PDE4D: variants seen among roughly 807,000 people sequenced by gnomAD.
PDE4D encodes phosphodiesterase 4D, also known as 3',5'-cyclic-AMP phosphodiesterase 4D.
Under a neutral mutation model 87.4 loss-of-function variants are expected in PDE4D, and 24 were observed. The observed-to-expected ratio is 0.27, with a 90% CI of 0.20 to 0.39. The LOEUF (loss-of-function observed/expected upper bound fraction) is 0.39. Among genes scored for constraint, PDE4D ranks in the 10% least tolerant of loss-of-function variants. The probability of loss-of-function intolerance (pLI) is 1.00; values close to 1 mark genes in which losing one functional copy is unlikely to be tolerated. For synonymous variants in PDE4D, 384 were observed against 383.2 expected (o/e 1.00, Z -0.02); for missense variants, 714 against 1,041.0 (o/e 0.69, Z 4.32).
At chr5:59,319,005 C>T (rs978363963) in intron 1 of PDE4D, among the ~76,000 whole-genome samples, 10 of 152,006 alleles carry the variant, frequency 6.6e-5, no homozygotes, top group Non-Finnish European at 1.0e-4. Flanking sequence ...GGAAAAGGAA[C>T]AGGTTATCAA....
intron 1 of PDE4D, among the ~76,000 whole-genome samples, chr5:59,234,309 G>A (rs1438655982): frequency 2.6e-5 from 4 of 151,460 alleles, no homozygotes; most frequent in Admixed American, 1.3e-4. Context: ...GAATTTATTC[G>A]ATATAATCTT....
chr5:60,438,291 G>T (rs1036099842), intron 1 of PDE4D, among the ~76,000 whole-genome samples: 4 of 152,020 alleles, frequency 2.6e-5, no homozygotes, highest in Non-Finnish European at 5.9e-5. Flanking sequence ...AAAGAAGCAG[G>T]GAGAAGTACT....
At chr5:60,140,445 T>G (rs1215836010) in intron 2 of PDE4D, among the ~76,000 whole-genome samples, 1 of 151,812 alleles carries the variant, frequency 6.6e-6, no homozygotes, top group Non-Finnish European at 1.5e-5. Context: ...TAGGACTCAG[T>G]TTTCTGGTTT....
At chr5:60,311,594 A>G (rs1425623202) in intron 1 of PDE4D, among the ~76,000 whole-genome samples, 1 of 152,214 alleles carries the variant, frequency 6.6e-6, no homozygotes, top group Non-Finnish European at 1.5e-5. Context: ...AAAGAACATT[A>G]CCCACCACCA....
intron 5 of PDE4D, among the ~76,000 whole-genome samples, chr5:59,105,892 G>T (rs941027490): frequency 6.6e-6 from 1 of 152,184 alleles, no homozygotes; most frequent in East Asian, 1.9e-4. Flanking sequence ...CCCCATAGGA[G>T]GGAGTGTGAC....
At chr5:59,521,042 C>T (rs1468081259) in intron 1 of PDE4D, among the ~76,000 whole-genome samples, 1 of 151,256 alleles carries the variant, frequency 6.6e-6, no homozygotes, top group South Asian at 2.1e-4. Context: ...AAGAGACATG[C>T]ATCATGAAGG....
chr5:59,690,082 G>A, intron 1 of PDE4D, among the ~76,000 whole-genome samples: 1 of 152,118 alleles, frequency 6.6e-6, no homozygotes, highest in East Asian at 1.9e-4. Flanking sequence ...ACAAACAAAT[G>A]GAAGAACATT....
chr5:59,931,885 C>T (rs186571599), intron 3 of PDE4D, among the ~76,000 whole-genome samples: 16 of 151,952 alleles, frequency 1.1e-4, no homozygotes, highest in South Asian at 6.2e-4. Flanking sequence ...GTGATTTTAG[C>T]AGAGATGGGG....
At chr5:59,775,158 C>T (rs1763954487) in intron 1 of PDE4D, among the ~76,000 whole-genome samples, 1 of 152,140 alleles carries the variant, frequency 6.6e-6, no homozygotes, top group Non-Finnish European at 1.5e-5. Flanking sequence ...AATGCCCTCT[C>T]TAAATATTAC....
chr5:59,383,352 G>T lies in PDE4D; in HGVS notation c.456-167384C>A, dbSNP rs138831263. On this transcript the variant is annotated intron_variant, in intron 1 of 14. Coordinates refer to ENST00000340635, the MANE Select transcript of PDE4D (RefSeq NM_001104631.2). ...AGCCTGCTCCAGTCTCAGGATATTTGCATTCCCTGCCCATTTGCCCACGAA... is the reference window on the plus strand; with the variant it reads ...AGCCTGCTCCAGTCTCAGGATATTTTCATTCCCTGCCCATTTGCCCACGAA... Among the ~76,000 whole-genome samples, 597 of 152,054 alleles carry T rather than the reference G, an allele frequency of 3.9e-3. 4 individuals are homozygous for T. Among genetic ancestry groups the T allele is most frequent in the Non-Finnish European group, 6.1e-3 (412 of 67,990 alleles).
chr5:60,378,352 G>A (rs984319154), intron 1 of PDE4D, among the ~76,000 whole-genome samples: 5 of 152,046 alleles, frequency 3.3e-5, no homozygotes, highest in Non-Finnish European at 5.9e-5. Context: ...CCAGGATTCC[G>A]AACATAAGGA....
intron 6 of PDE4D, among the ~76,000 whole-genome samples, chr5:59,033,017 C>T (rs1185175216): frequency 6.6e-6 from 1 of 152,204 alleles, no homozygotes; most frequent in Non-Finnish European, 1.5e-5. Context: ...CTGGTGCCTA[C>T]TCCAGGCCAG....
intron 2 of PDE4D, among the ~76,000 whole-genome samples, chr5:60,111,033 G>T (rs1232278342): frequency 2.6e-5 from 4 of 151,976 alleles, no homozygotes; most frequent in Non-Finnish European, 5.9e-5. Flanking sequence ...ATGGGAAGGA[G>T]TTGGTTAACA....
intron 1 of PDE4D, among the ~76,000 whole-genome samples, chr5:59,678,152 C>A (rs1247888949): frequency 2.0e-5 from 3 of 152,064 alleles, no homozygotes; most frequent in Non-Finnish European, 4.4e-5. Flanking sequence ...AAAAAAATGT[C>A]TTGGCTTGCT....
chr5:60,049,718 C>A (rs1031013338), intron 2 of PDE4D, among the ~76,000 whole-genome samples: 11 of 152,200 alleles, frequency 7.2e-5, no homozygotes, highest in Non-Finnish European at 1.3e-4. Context: ...AGGCAGTCTG[C>A]CCGTTCTCAG....
At position 59,346,626 on chromosome 5, in the gene PDE4D, G is replaced by A. The variant is rs541025776; in HGVS notation, c.456-130658C>T. 5.9e-5 allele frequency among the ~76,000 whole-genome samples: 9 copies of A among 152,138 alleles called. No individual in the cohort carries two copies. The South Asian group carries it at 6.2e-4, about 11-fold the overall frequency. On this transcript the variant is annotated intron_variant, in intron 1 of 14. Coordinates refer to ENST00000340635, the MANE Select transcript of PDE4D (RefSeq NM_001104631.2). ...ATTTGCTTTAGGAAAAAAACCTGAC[G>A]TTCCTTGTATGAGTATCTCATCCAA...
At chr5:60,206,340 A>T (rs1742522616) in intron 1 of PDE4D, among the ~76,000 whole-genome samples, 1 of 152,082 alleles carries the variant, frequency 6.6e-6, no homozygotes, top group Non-Finnish European at 1.5e-5. Flanking sequence ...AAATATACAT[A>T]CTCTAAGGCT....
intron 3 of PDE4D, among the ~76,000 whole-genome samples, chr5:59,942,212 C>G (rs1554118643): frequency 6.6e-6 from 1 of 152,146 alleles, no homozygotes; most frequent in Non-Finnish European, 1.5e-5. Context: ...GATTTAAGTG[C>G]TTGGAGTTTT....
chr5:59,463,548 G>A (rs1801092022), intron 1 of PDE4D, among the ~76,000 whole-genome samples: 1 of 152,164 alleles, frequency 6.6e-6, no homozygotes, highest in Non-Finnish European at 1.5e-5. Context: ...CTTAAAGCCA[G>A]GTGGCCAAGG....
Sources: gnomAD v4.1 joint callset for allele counts (sites outside exome capture counted in the v4.1 genomes callset) on GRCh38, gnomAD v4.1.1 for gene constraint, MANE v1.5 for transcripts, NCBI Gene and HGNC (gene_info 2026-07-23, HGNC 2026-07-21) for gene names.